LSM14A: variants seen among roughly 807,000 people sequenced by gnomAD.
LSM14A encodes protein LSM14 homolog A.
A neutral mutation model predicts 52.4 loss-of-function variants in LSM14A; 14 were observed. The ratio of observed to expected loss-of-function variants is 0.27; its 90% confidence interval spans 0.18 to 0.42. The LOEUF (loss-of-function observed/expected upper bound fraction) is 0.42, where lower values mean the gene tolerates loss of function less well. Ranked by LOEUF, LSM14A falls within the 10% of genes least tolerant of loss-of-function variation. The probability of loss-of-function intolerance (pLI) is 1.00; values close to 1 mark genes in which losing one functional copy is unlikely to be tolerated. For missense variants in LSM14A, 417 were observed against 581.8 expected, an observed-to-expected ratio of 0.72 and a Z score of 2.91; for synonymous variants, 185 against 200.3, an observed-to-expected ratio of 0.92 and a Z score of 0.64.
chr19:34,222,965 T>C (rs1222495475), intron 9 of LSM14A, among the ~76,000 whole-genome samples: 1 of 152,230 alleles, frequency 6.6e-6, no homozygotes, highest in Non-Finnish European at 1.5e-5. Context: ...TTAACTCCTC[T>C]GCAATATTTG....
At chr19:34,219,929 A>G (rs2072938910) in intron 8 of LSM14A, 52 bp downstream of exon 8, 2 of 1,340,896 alleles carry the variant, frequency 1.5e-6, no homozygotes, top group African/African-American at 2.9e-5. Context: ...GAAGTGTAAA[A>G]TGGTTTCATG....
intron 4 of LSM14A, among the ~76,000 whole-genome samples, chr19:34,211,774 A>C (rs544947797): frequency 6.6e-6 from 1 of 151,400 alleles, no homozygotes; most frequent in African/African-American, 2.4e-5. Context: ...GGGCGACAGA[A>C]CCAAGACCCT....
intron 1 of LSM14A, among the ~76,000 whole-genome samples, chr19:34,179,415 T>C (rs1164418075): frequency 6.6e-6 from 1 of 152,222 alleles, no homozygotes; most frequent in Non-Finnish European, 1.5e-5. Flanking sequence ...GATCTAAATC[T>C]AGCAATTCAC....
chr19:34,218,102 C>G (rs2072797759), intron 6 of LSM14A, among the ~76,000 whole-genome samples: 1 of 150,336 alleles, frequency 6.7e-6, no homozygotes, highest in Non-Finnish European at 1.5e-5. Flanking sequence ...CTCCCGGGTT[C>G]AAGCCATTCT....
chr19:34,194,609 T>C lies in LSM14A; in HGVS notation c.253T>C (p.Cys85Arg). 1 of 1,614,214 alleles carries C rather than the reference T, an allele frequency of 6.2e-7. No homozygotes were observed. Among genetic ancestry groups the C allele is most frequent in the Non-Finnish European group, 8.5e-7 (1 of 1,180,042 alleles). Residue 85 changes from cysteine to arginine, a missense_variant, in exon 2 of 10, where the codon TGT becomes CGT. Physicochemically the swap from Cys to Arg is radical, Grantham distance 180. This residue lies in a region of LSM14A where 60 missense variants were observed against 124.8 expected (regional missense o/e 0.48). Coordinates refer to ENST00000544216, the MANE Select transcript of LSM14A (RefSeq NM_015578.4). ...LTVCEPPKPQ[C>R]SLPQDPAIVQ... ...TGTTTGTGAGCCACCAAAACCACAG[T>C]GTTCTTTGCCTCAAGACCCAGCTAT... is the stretch of plus-strand genomic sequence containing the variant.
chr19:34,202,950 C>T (rs1459541345), intron 3 of LSM14A, among the ~76,000 whole-genome samples: 1 of 152,190 alleles, frequency 6.6e-6, no homozygotes, highest in Non-Finnish European at 1.5e-5. Flanking sequence ...AGCCACCGCG[C>T]CTGGCGGACT....
At chr19:34,226,313 GCTCT>G in intron 9 of LSM14A, 1 of 1,211,550 alleles carries the variant, frequency 8.3e-7, no homozygotes, top group Non-Finnish European at 1.1e-6. Context: ...TCAGCATAAT[GCTCT>G]CTCTCCTCTC....
In LSM14A at chr19:34,221,610, G is replaced by A; in HGVS notation, c.1240G>A (p.Gly414Ser). 1 of 1,614,174 alleles carries A rather than the reference G, an allele frequency of 6.2e-7. No individual in the cohort carries two copies. The highest frequency in any genetic ancestry group is 8.5e-7 in the Non-Finnish European group (1 of 1,180,046). Residue 414 changes from glycine (G) to serine (S), a missense_variant, in exon 9 of 10, where the codon GGT becomes AGT. Coordinates refer to ENST00000544216, the MANE Select transcript of LSM14A (RefSeq NM_015578.4). ...CCGTGGGGGATACAGAGGCAGAGGA[G>A]GTCTTGGTTTCCGTGGTGGCAGAGG... ...RGRGGYRGRG[G>S]LGFRGGRGRG...
intron 3 of LSM14A, among the ~76,000 whole-genome samples, chr19:34,197,248 AC>A (rs1352746908): frequency 6.6e-6 from 1 of 151,662 alleles, no homozygotes; most frequent in Non-Finnish European, 1.5e-5. Flanking sequence ...GCATCACCAC[AC>A]CCAGCTAATT....
chr19:34,210,372 C>T (rs889467338), intron 4 of LSM14A, among the ~76,000 whole-genome samples: 2 of 151,786 alleles, frequency 1.3e-5, no homozygotes, highest in East Asian at 3.9e-4. Context: ...CAGGTTCAAG[C>T]GATTCTCCTG....
intron 3 of LSM14A, chr19:34,208,381 TTTC>T (rs2071869145): frequency 6.6e-6 from 1 of 152,240 alleles, no homozygotes; most frequent in Admixed American, 6.5e-5. Context: ...AATTGGGCCC[TTTC>T]TAGGGACCTT....
intron 3 of LSM14A, among the ~76,000 whole-genome samples, chr19:34,197,431 C>CTTTTTTTT (rs531343486): frequency 2.4e-4 from 15 of 63,298 alleles, no homozygotes; most frequent in African/African-American, 3.9e-4. Context: ...ATTTCTTTTT[C>CTTTTTTTT]TTTTTTTTTT....
intron 1 of LSM14A, among the ~76,000 whole-genome samples, chr19:34,187,324 G>A (rs1433527605): frequency 6.6e-6 from 1 of 151,740 alleles, no homozygotes; most frequent in African/African-American, 2.4e-5. Flanking sequence ...TGTTGCTGAG[G>A]CTGTAGTGTA....
At chr19:34,183,394 T>C (rs1391905252) in intron 1 of LSM14A, among the ~76,000 whole-genome samples, 2 of 151,868 alleles carry the variant, frequency 1.3e-5, no homozygotes, top group African/African-American at 4.8e-5. Flanking sequence ...CTACTAAAAA[T>C]ACAAAAATTA....
intron 4 of LSM14A, among the ~76,000 whole-genome samples, chr19:34,211,826 C>T (rs1348512092): frequency 6.6e-6 from 1 of 151,990 alleles, no homozygotes; most frequent in African/African-American, 2.4e-5. Flanking sequence ...GACTTTACTC[C>T]TCATAGTTAA....
In LSM14A at chr19:34,199,661, A is replaced by G. The variant is rs555793191; in HGVS notation, c.415+2898A>G. ...TGTTCGTAGAAAGGACCTAGAAACAATGGAAACCCCGTAGCAAGGGACACA... is the reference window on the plus strand; with the variant it reads ...TGTTCGTAGAAAGGACCTAGAAACAGTGGAAACCCCGTAGCAAGGGACACA... On this transcript the variant is annotated intron_variant, in intron 3 of 9. Coordinates refer to ENST00000544216, the MANE Select transcript of LSM14A (RefSeq NM_015578.4). Among the ~76,000 whole-genome samples, 27 of 152,294 alleles carry G rather than the reference A, an allele frequency of 1.8e-4. No individual in the cohort carries two copies. In the South Asian group the frequency reaches 5.4e-3, roughly 30 times the overall value.
intron 8 of LSM14A, 21 bp downstream of exon 8, chr19:34,219,898 T>A: frequency 6.5e-7 from 1 of 1,544,282 alleles, no homozygotes; most frequent in Middle Eastern, 1.7e-4. Context: ...TAAGCTGTTC[T>A]TTTATCTTAT....
intron 3 of LSM14A, chr19:34,208,070 A>T (rs1275427611): frequency 1.3e-5 from 2 of 152,170 alleles, no homozygotes; most frequent in Non-Finnish European, 2.9e-5. Context: ...AAATGTTGAG[A>T]GAAGAGGTAG....
chr19:34,191,305 C>T (rs2070364591), intron 1 of LSM14A, among the ~76,000 whole-genome samples: 1 of 151,934 alleles, frequency 6.6e-6, no homozygotes, highest in African/African-American at 2.4e-5. Flanking sequence ...AAAATTTCTT[C>T]TATTTTCTGT....
Sources: allele counts gnomAD v4.1 joint callset (sites outside exome capture counted in the v4.1 genomes callset), GRCh38; gene constraint gnomAD v4.1.1; regional missense constraint gnomAD v4.1.1; transcripts MANE v1.5; gene names NCBI Gene and HGNC (gene_info 2026-07-23, HGNC 2026-07-21).